ERBB4: variants seen among roughly 807,000 people sequenced by gnomAD.
The protein encoded by ERBB4 is erb-b2 receptor tyrosine kinase 4.
ERBB4 carries 42 observed loss-of-function variants against 158.0 expected under a neutral mutation model. The observed-to-expected ratio is 0.27, with a 90% CI of 0.21 to 0.34. ERBB4 has a LOEUF of 0.34. ERBB4 is among the 10% of genes least tolerant of loss of function. ERBB4 has a pLI of 1.00. For synonymous variants in ERBB4, 583 were observed against 558.7 expected (o/e 1.04, Z -0.61); for missense variants, 1,333 against 1,624.1 (o/e 0.82, Z 3.08).
At chr2:211,503,384 T>A (rs576416562) in intron 20 of ERBB4, among the ~76,000 whole-genome samples, 1 of 152,200 alleles carries the variant, frequency 6.6e-6, no homozygotes, top group Non-Finnish European at 1.5e-5. Context: ...GTTTGGGAAC[T>A]GAGGAGCATC....
intron 1 of ERBB4, among the ~76,000 whole-genome samples, chr2:212,346,498 A>AAATGTTTTAAAATATATTTAAAACATG (rs1560077282): frequency 6.6e-6 from 1 of 151,248 alleles, no homozygotes; most frequent in African/African-American, 2.5e-5. Flanking sequence ...CTAAAACATT[A>AAATGTTTTAAAATATATTTAAAACATG]AAATGTTTTA....
intron 1 of ERBB4, among the ~76,000 whole-genome samples, chr2:212,457,755 T>C (rs1295751140): frequency 1.3e-5 from 2 of 152,032 alleles, no homozygotes; most frequent in Non-Finnish European, 2.9e-5. Flanking sequence ...GTAAAGAGTA[T>C]TGACTAGAAT....
At chr2:212,199,363 ATGAG>A (rs377127850) in intron 1 of ERBB4, among the ~76,000 whole-genome samples, 13 of 152,198 alleles carry the variant, frequency 8.5e-5, no homozygotes, top group African/African-American at 2.4e-4. Context: ...ATTTGAATGA[ATGAG>A]TGAGTGAGTG....
chr2:212,003,205 GAC>G (rs2076170464), intron 2 of ERBB4, among the ~76,000 whole-genome samples: 20 of 44,810 alleles, frequency 4.5e-4, no homozygotes, highest in Non-Finnish European at 6.3e-4. Context: ...AAGAAAGAAA[GAC>G]AGAAAGAAGG....
intron 16 of ERBB4, among the ~76,000 whole-genome samples, chr2:211,635,684 A>G (rs2070331123): frequency 6.6e-6 from 1 of 152,126 alleles, no homozygotes; most frequent in South Asian, 2.1e-4. Flanking sequence ...TACTCTTTCT[A>G]TTTAATGTTA....
At chr2:212,447,744 G>C (rs994651360) in intron 1 of ERBB4, among the ~76,000 whole-genome samples, 2 of 150,898 alleles carry the variant, frequency 1.3e-5, no homozygotes, top group African/African-American at 4.9e-5. Context: ...CACTTACATA[G>C]TACACTAAAA....
chr2:211,536,593 C>T (rs527649393), intron 20 of ERBB4, among the ~76,000 whole-genome samples: 50 of 151,904 alleles, frequency 3.3e-4, no homozygotes, highest in African/African-American at 1.1e-3. Flanking sequence ...GAGAGAATAT[C>T]CCAAAGAAAA....
At chr2:211,795,704 G>A (rs1181509959) in intron 3 of ERBB4, among the ~76,000 whole-genome samples, 1 of 151,414 alleles carries the variant, frequency 6.6e-6, no homozygotes, top group Non-Finnish European at 1.5e-5. Context: ...AAAGAACAGA[G>A]GAAGAGTACA....
intron 2 of ERBB4, among the ~76,000 whole-genome samples, chr2:212,121,207 T>G (rs1266387344): frequency 6.6e-6 from 1 of 152,154 alleles, no homozygotes; most frequent in Non-Finnish European, 1.5e-5. Context: ...CAATGGGGCA[T>G]CCAGAGTATT....
chr2:211,988,138 T>G (rs1015971515), intron 2 of ERBB4, among the ~76,000 whole-genome samples: 1 of 152,178 alleles, frequency 6.6e-6, no homozygotes, highest in African/African-American at 2.4e-5. Flanking sequence ...GAAAAAGGTT[T>G]TAGAGAGCAA....
chr2:212,115,305 C>A (rs749922019), intron 2 of ERBB4, among the ~76,000 whole-genome samples: 8 of 151,360 alleles, frequency 5.3e-5, no homozygotes, highest in Middle Eastern at 3.5e-3. Flanking sequence ...TGGTCTCATG[C>A]AAAATTGTTC....
At chr2:212,112,505 C>A (rs1324200114) in intron 2 of ERBB4, among the ~76,000 whole-genome samples, 1 of 151,642 alleles carries the variant, frequency 6.6e-6, no homozygotes, top group African/African-American at 2.4e-5. Context: ...ATCCTGGTTT[C>A]TTTAAGTAAC....
intron 3 of ERBB4, among the ~76,000 whole-genome samples, chr2:211,939,190 G>A (rs1288320018): frequency 1.3e-5 from 2 of 152,012 alleles, no homozygotes; most frequent in Non-Finnish European, 2.9e-5. Flanking sequence ...CAATTTAATG[G>A]TTCACTGACA....
intron 1 of ERBB4, among the ~76,000 whole-genome samples, chr2:212,354,423 T>C (rs2089386752): frequency 6.6e-6 from 1 of 152,042 alleles, no homozygotes; most frequent in Admixed American, 6.6e-5. Context: ...CAAATGTAAA[T>C]TTCTAGATCT....
chr2:211,561,808 A>G, intron 20 of ERBB4, 95 bp downstream of exon 20: 1 of 1,093,630 alleles, frequency 9.1e-7, no homozygotes, highest in South Asian at 1.3e-5. Flanking sequence ...TTTTATTTAA[A>G]TGGGAAGACA....
At chr2:211,708,561 T>G (rs563116258) in intron 9 of ERBB4, among the ~76,000 whole-genome samples, 1 of 152,124 alleles carries the variant, frequency 6.6e-6, no homozygotes, top group East Asian at 1.9e-4. Context: ...ACTGCCTTCT[T>G]CTCCTCCTGT....
At chr2:212,352,009 C>T (rs2089274286) in intron 1 of ERBB4, among the ~76,000 whole-genome samples, 1 of 152,082 alleles carries the variant, frequency 6.6e-6, no homozygotes, top group African/African-American at 2.4e-5. Flanking sequence ...AGATCTTATC[C>T]TTTGTGGCAA....
At chr2:212,360,699 G>C (rs1314698225) in intron 1 of ERBB4, among the ~76,000 whole-genome samples, 1 of 151,556 alleles carries the variant, frequency 6.6e-6, no homozygotes, top group East Asian at 1.9e-4. Context: ...AGAAAGCATG[G>C]TGACTTTCAG....
chr2:212,014,097 T>C (rs565188314), intron 2 of ERBB4, among the ~76,000 whole-genome samples: 1 of 151,130 alleles, frequency 6.6e-6, no homozygotes, highest in Non-Finnish European at 1.5e-5. Flanking sequence ...AAAACCTCTC[T>C]TGACTCAAAC....
Sources: gnomAD v4.1 joint callset for allele counts (sites outside exome capture counted in the v4.1 genomes callset) on GRCh38, gnomAD v4.1.1 for gene constraint, MANE v1.5 for transcripts, NCBI Gene and HGNC (gene_info 2026-07-23, HGNC 2026-07-21) for gene names.